Variants in SIPA1L1 observed in about 807,000 individuals in gnomAD.
SIPA1L1 encodes the protein signal-induced proliferation-associated 1-like protein 1.
SIPA1L1 carries 26 observed loss-of-function variants against 162.7 expected under a neutral mutation model. The observed-to-expected ratio is 0.16, with a 90% CI of 0.12 to 0.22. The LOEUF (loss-of-function observed/expected upper bound fraction) is 0.22, where lower values mean the gene tolerates loss of function less well. Ranked by LOEUF, SIPA1L1 falls within the 10% of genes least tolerant of loss-of-function variation. The pLI is 1.00. For synonymous variants in SIPA1L1, 829 were observed against 837.4 expected, an observed-to-expected ratio of 0.99 and a Z score of 0.17; for missense variants, 1,874 against 2,241.0, an observed-to-expected ratio of 0.84 and a Z score of 3.31.
At chr14:71,715,629 T>C (rs1244201636) in intron 17 of SIPA1L1, among the ~76,000 whole-genome samples, 1 of 152,248 alleles carries the variant, frequency 6.6e-6, no homozygotes, top group East Asian at 1.9e-4. Flanking sequence ...AAAAAGATTA[T>C]CAAATGTATT....
At chr14:71,415,112 T>C (rs773726942) in intron 2 of SIPA1L1, among the ~76,000 whole-genome samples, 27 of 152,154 alleles carry the variant, frequency 1.8e-4, no homozygotes, top group Non-Finnish European at 3.5e-4. Flanking sequence ...TCTTCTGGAG[T>C]GACTGCATCC....
At chr14:71,438,651 T>C (rs1410651882) in intron 2 of SIPA1L1, among the ~76,000 whole-genome samples, 1 of 151,862 alleles carries the variant, frequency 6.6e-6, no homozygotes, top group Non-Finnish European at 1.5e-5. Context: ...AACAGAAAAA[T>C]TGTTTGTGCA....
rs960598363 is a variant in SIPA1L1, at chr14:71,666,868, T to TAAAA, written c.2256-4232_2256-4229dup. 2.2e-4 allele frequency among the ~76,000 whole-genome samples: 17 copies of TAAAA among 78,154 alleles called. No individual in the cohort carries two copies. In the East Asian group the frequency reaches 2.3e-3, roughly 11 times the overall value. The allele number at this position is 78,154 out of a possible 152,430, so 51.3% of individuals were successfully genotyped here. On this transcript the variant is annotated intron_variant, in intron 10 of 23. Coordinates refer to ENST00000381232, the MANE Select transcript of SIPA1L1 (RefSeq NM_001386936.1). Reference sequence around the variant, plus strand: ...CTGTGTTCATCCTCTTTCCTCTCTGTAAAAAAAAAAAAAAAAAAAAAAGAA... The same window carrying TAAAA: ...CTGTGTTCATCCTCTTTCCTCTCTGTAAAAAAAAAAAAAAAAAAAAAAAAAAGAA...
intron 5 of SIPA1L1, among the ~76,000 whole-genome samples, chr14:71,611,724 GGACAT>G (rs961477490): frequency 1.3e-5 from 2 of 152,144 alleles, no homozygotes; most frequent in African/African-American, 4.8e-5. Context: ...TCCCTGCAAA[GGACAT>G]GACTCACTCT....
intron 2 of SIPA1L1, among the ~76,000 whole-genome samples, chr14:71,476,622 C>T (rs991563616): frequency 2.7e-5 from 4 of 150,892 alleles, no homozygotes; most frequent in Non-Finnish European, 4.4e-5. Flanking sequence ...TTTGTGCCTC[C>T]GAATAACAAA....
At chr14:71,715,162 C>G (rs2083171252) in intron 17 of SIPA1L1, among the ~76,000 whole-genome samples, 1 of 152,198 alleles carries the variant, frequency 6.6e-6, no homozygotes, top group Admixed American at 6.5e-5. Context: ...GCTCTCTACC[C>G]CCAGGCAAGT....
chr14:71,332,601 C>G (rs1343148439), intron 2 of SIPA1L1, among the ~76,000 whole-genome samples: 1 of 152,164 alleles, frequency 6.6e-6, no homozygotes, highest in East Asian at 1.9e-4. Context: ...CCTGAGGACC[C>G]AGATAGGGTT....
intron 14 of SIPA1L1, 90 bp from the exon 15 acceptor site, chr14:71,702,291 A>G: frequency 2.1e-6 from 3 of 1,416,264 alleles, no homozygotes; most frequent in Non-Finnish European, 2.0e-6. Context: ...AGTGCCTGTC[A>G]TTAAAATTTA....
intron 2 of SIPA1L1, among the ~76,000 whole-genome samples, chr14:71,417,440 C>G (rs1342305174): frequency 9.2e-6 from 1 of 108,266 alleles, no homozygotes; most frequent in African/African-American, 3.6e-5. Context: ...CCACTGCACT[C>G]CAGCCTGGGC....
At chr14:71,366,613 A>G (rs1363899717) in intron 2 of SIPA1L1, among the ~76,000 whole-genome samples, 1 of 151,824 alleles carries the variant, frequency 6.6e-6, no homozygotes, top group African/African-American at 2.4e-5. Context: ...TTGTTTTTGT[A>G]TTTTTAGCAG....
chr14:71,513,460 A>G (rs2051371370), intron 3 of SIPA1L1, among the ~76,000 whole-genome samples: 1 of 152,158 alleles, frequency 6.6e-6, no homozygotes, highest in Non-Finnish European at 1.5e-5. Context: ...ACAGACATAC[A>G]GACATGGAAA....
intron 2 of SIPA1L1, among the ~76,000 whole-genome samples, chr14:71,396,934 T>A (rs1045916434): frequency 2.6e-5 from 4 of 152,196 alleles, no homozygotes; most frequent in African/African-American, 9.7e-5. Context: ...CTGTAGAATA[T>A]CTTATATTTT....
chr14:71,696,565 A>T (rs1022685234), intron 13 of SIPA1L1, among the ~76,000 whole-genome samples: 1 of 152,234 alleles, frequency 6.6e-6, no homozygotes, highest in Admixed American at 6.5e-5. Context: ...GCCCCACCAT[A>T]GTTGAGAACT....
At chr14:71,736,706 A>G (rs1457936515) in intron 22 of SIPA1L1, among the ~76,000 whole-genome samples, 1 of 152,200 alleles carries the variant, frequency 6.6e-6, no homozygotes, top group Non-Finnish European at 1.5e-5. Context: ...AGCAAGCCCC[A>G]AATGTGCCTC....
chr14:71,543,327 A>G (rs1296845325), intron 4 of SIPA1L1, among the ~76,000 whole-genome samples: 1 of 152,242 alleles, frequency 6.6e-6, no homozygotes, highest in Non-Finnish European at 1.5e-5. Context: ...ATTGGCTGTT[A>G]GGAATAAGAT....
chr14:71,674,278 T>G (rs887066531), intron 12 of SIPA1L1, among the ~76,000 whole-genome samples: 5 of 152,150 alleles, frequency 3.3e-5, no homozygotes, highest in Non-Finnish European at 5.9e-5. Context: ...AATGGGTTTG[T>G]GTGACTGTGG....
At chr14:71,582,283 C>T (rs533214658) in intron 4 of SIPA1L1, among the ~76,000 whole-genome samples, 2 of 152,104 alleles carry the variant, frequency 1.3e-5, no homozygotes, top group South Asian at 2.1e-4. Context: ...TGCAGTGAGC[C>T]ATGATCATAC....
At chr14:71,654,721 C>T (rs1555339998) in intron 8 of SIPA1L1, among the ~76,000 whole-genome samples, 1 of 152,172 alleles carries the variant, frequency 6.6e-6, no homozygotes, top group Non-Finnish European at 1.5e-5. Flanking sequence ...CCTGAATTTA[C>T]TTATTAATTA....
intron 4 of SIPA1L1, among the ~76,000 whole-genome samples, chr14:71,545,207 T>C (rs772134062): frequency 3.9e-5 from 6 of 152,156 alleles, no homozygotes; most frequent in Admixed American, 6.6e-5. Flanking sequence ...CCTTTGAATA[T>C]CCCTGTAAAT....
Sources: gnomAD v4.1 joint callset for allele counts (sites outside exome capture counted in the v4.1 genomes callset) on GRCh38, gnomAD v4.1.1 for gene constraint, MANE v1.5 for transcripts, NCBI Gene and HGNC (gene_info 2026-07-23, HGNC 2026-07-21) for gene names.